CHD7: variants seen among roughly 807,000 people sequenced by gnomAD.
The protein encoded by CHD7 is chromodomain helicase DNA binding protein 7, also known as ATP-dependent chromatin remodeler CHD7.
CHD7 carries 24 observed loss-of-function variants against 307.3 expected under a neutral mutation model. The ratio of observed to expected loss-of-function variants is 0.08; its 90% CI spans 0.06 to 0.11. CHD7 has a LOEUF of 0.11. Ranked by LOEUF, CHD7 falls within the 10% of genes least tolerant of loss-of-function variation. The pLI is 1.00. For synonymous variants in CHD7, 1,363 were observed against 1,349.9 expected (o/e 1.01, Z -0.21); for missense variants, 3,106 against 3,727.1 (o/e 0.83, Z 4.34).
intron 1 of CHD7, among the ~76,000 whole-genome samples, chr8:60,687,735 A>C (rs1289312902): frequency 6.6e-6 from 1 of 152,188 alleles, no homozygotes; most frequent in African/African-American, 2.4e-5. Flanking sequence ...CATCAGAGCA[A>C]CTCTAGGTAA....
chr8:60,703,545 C>T (rs141880639), intron 1 of CHD7, among the ~76,000 whole-genome samples: 2 of 152,324 alleles, frequency 1.3e-5, no homozygotes, highest in Admixed American at 6.5e-5. Context: ...AAACCAAATT[C>T]GTGATACTTC....
At chr8:60,736,524 T>G (rs1808723513) in intron 1 of CHD7, among the ~76,000 whole-genome samples, 1 of 152,124 alleles carries the variant, frequency 6.6e-6, no homozygotes, top group Admixed American at 6.5e-5. Flanking sequence ...GCAAAATGCT[T>G]CCTTGGAAAT....
At chr8:60,835,804 C>T (rs1290937426) in intron 15 of CHD7, among the ~76,000 whole-genome samples, 15 of 152,126 alleles carry the variant, frequency 9.9e-5, no homozygotes, top group South Asian at 2.1e-4. Context: ...GTTGAAATTC[C>T]GTTTTTACAG....
intron 15 of CHD7, among the ~76,000 whole-genome samples, chr8:60,833,160 A>G (rs567438526): frequency 6.3e-4 from 96 of 152,352 alleles, no homozygotes; most frequent in Admixed American, 5.9e-3. Context: ...GGGAGATTAC[A>G]TTGAAATTTG....
At chr8:60,842,176 T>C in intron 21 of CHD7, 124 bp downstream of exon 21, 3 of 765,798 alleles carry the variant, frequency 3.9e-6, no homozygotes, top group Non-Finnish European at 6.2e-6. Context: ...GTCAAATGAA[T>C]GCTTCTGCAG....
chr8:60,758,491 T>G (rs1810004506), intron 2 of CHD7, among the ~76,000 whole-genome samples: 1 of 152,198 alleles, frequency 6.6e-6, no homozygotes, highest in Non-Finnish European at 1.5e-5. Flanking sequence ...CTTTAAAGAT[T>G]GAGAAGTTGT....
At chr8:60,807,953 G>T (rs1434486991) in intron 6 of CHD7, among the ~76,000 whole-genome samples, 1 of 152,232 alleles carries the variant, frequency 6.6e-6, no homozygotes, top group African/African-American at 2.4e-5. Context: ...TGTTGTGAAT[G>T]AAGCTGCATG....
At chr8:60,729,412 G>T (rs1003138594) in intron 1 of CHD7, among the ~76,000 whole-genome samples, 1 of 152,194 alleles carries the variant, frequency 6.6e-6, no homozygotes, top group South Asian at 2.1e-4. Flanking sequence ...TAGGGAATTT[G>T]CTATGTTTAG....
intron 1 of CHD7, among the ~76,000 whole-genome samples, chr8:60,735,302 G>T (rs1173777834): frequency 2.0e-5 from 3 of 152,182 alleles, no homozygotes; most frequent in African/African-American, 7.2e-5. Flanking sequence ...GCGTAGCGTT[G>T]CCCTATACGA....
chr8:60,716,306 C>T (rs1202121479), intron 1 of CHD7, among the ~76,000 whole-genome samples: 2 of 152,242 alleles, frequency 1.3e-5, no homozygotes, highest in African/African-American at 4.8e-5. Context: ...TCATGTCCCT[C>T]CTCTGCTGAA....
chr8:60,763,452 A>G (rs1451086798), intron 2 of CHD7, among the ~76,000 whole-genome samples: 1 of 152,092 alleles, frequency 6.6e-6, no homozygotes, highest in Non-Finnish European at 1.5e-5. Context: ...GAATTAAGAC[A>G]GTGTGGGTGG....
intron 37 of CHD7, 117 bp downstream of exon 37, chr8:60,862,769 G>A (rs1806060821): frequency 3.1e-6 from 2 of 652,320 alleles, no homozygotes; most frequent in Non-Finnish European, 5.3e-6. Flanking sequence ...TAAAAGAATT[G>A]ACATAATACA....
chr8:60,850,448 T>C (rs1298613277), intron 25 of CHD7, 45 bp from the exon 26 acceptor site: 8 of 1,570,398 alleles, frequency 5.1e-6, no homozygotes, highest in Non-Finnish European at 7.0e-6. Flanking sequence ...ATGGGGCCTT[T>C]CTTTGTTTCT....
intron 7 of CHD7, among the ~76,000 whole-genome samples, chr8:60,812,137 T>G (rs1812839861): frequency 6.6e-6 from 1 of 152,154 alleles, no homozygotes; most frequent in South Asian, 2.1e-4. Flanking sequence ...CCCATTAAAA[T>G]TTTTTGTACG....
In CHD7 at chr8:60,852,078, C is replaced by T. The variant is rs1805477531; in HGVS notation, c.5725C>T (p.Leu1909=). The T allele has an allele frequency of 6.2e-7, 1 of 1,613,816 alleles. No homozygotes were observed. The highest frequency in any genetic ancestry group is 1.7e-5 in the Admixed American group (1 of 60,004). The change falls in exon 29 of 38, where the codon CTG becomes TTG. Residue 1909 remains leucine (L), a synonymous_variant. Coordinates refer to ENST00000423902, the MANE Select transcript of CHD7 (RefSeq NM_017780.4). ...GQLYWPNTST[L]TTRLRRLITA... is the part of the protein sequence containing the mutation. ...ACTTTACTGGCCTAACACTTCAACC[C>T]TGACTACACGTCTGCGCCGGCTCAT...
rs368093874 is a variant in CHD7, at chr8:60,841,855, G to A, written c.4653G>A (p.Leu1551=). 31 of 1,607,292 alleles carry A rather than the reference G, an allele frequency of 1.9e-5. No individual in the cohort carries two copies. The African/African-American group carries it at 2.3e-4, about 12-fold the overall frequency. ...DIDALNGRNN[L]VIDTPRVRKQ... Reference sequence around the variant, plus strand: ...TCCTCTTTTATTATTAGAACAACCTGGTTATTGATACTCCAAGAGTGAGAA... The same window carrying A: ...TCCTCTTTTATTATTAGAACAACCTAGTTATTGATACTCCAAGAGTGAGAA... Residue 1551 remains leucine (L), a synonymous_variant, in exon 21 of 38, where the codon CTG becomes CTA. Transcript: ENST00000423902.
intron 8 of CHD7, among the ~76,000 whole-genome samples, chr8:60,816,719 T>C (rs906002526): frequency 6.6e-6 from 1 of 152,210 alleles, no homozygotes; most frequent in African/African-American, 2.4e-5. Context: ...TGATATTATG[T>C]GGAAATAGCG....
At chr8:60,790,498 T>A (rs1378147363) in intron 3 of CHD7, among the ~76,000 whole-genome samples, 1 of 152,214 alleles carries the variant, frequency 6.6e-6, no homozygotes, top group African/African-American at 2.4e-5. Context: ...TTAGCCCGAT[T>A]TTACTGAGCT....
At chr8:60,777,215 G>A (rs146259939) in intron 2 of CHD7, among the ~76,000 whole-genome samples, 2 of 152,198 alleles carry the variant, frequency 1.3e-5, no homozygotes, top group East Asian at 3.9e-4. Flanking sequence ...TTGTTTGTAT[G>A]TAAATAAACA....
Sources: allele counts gnomAD v4.1 joint callset (sites outside exome capture counted in the v4.1 genomes callset), GRCh38; gene constraint gnomAD v4.1.1; transcripts MANE v1.5; gene names NCBI Gene and HGNC (gene_info 2026-07-23, HGNC 2026-07-21).